The following GTF2IRD1 variants were observed in gnomAD, a reference collection of about 807,000 sequenced individuals.
GTF2IRD1 encodes the protein GTF2I repeat domain containing 1, also known as general transcription factor II-I repeat domain-containing protein 1.
Under a neutral mutation model 113.2 loss-of-function variants are expected in GTF2IRD1, and 26 were observed. The observed-to-expected ratio is 0.23, with a 90% confidence interval of 0.17 to 0.32. The LOEUF is 0.32. Among genes scored for constraint, GTF2IRD1 ranks in the 10% least tolerant of loss-of-function variants. The pLI is 1.00. For missense variants in GTF2IRD1, 864 were observed against 1,280.8 expected, an observed-to-expected ratio of 0.67 and a Z score of 4.97; for synonymous variants, 484 against 529.1, an observed-to-expected ratio of 0.91 and a Z score of 1.17.
At chr7:74,502,755 C>T (rs1463580684) in intron 1 of GTF2IRD1, among the ~76,000 whole-genome samples, 3 of 152,170 alleles carry the variant, frequency 2.0e-5, no homozygotes, top group Non-Finnish European at 4.4e-5. Context: ...CAAGACGGGG[C>T]AGGTGGCAGG....
intron 24 of GTF2IRD1, among the ~76,000 whole-genome samples, chr7:74,594,071 C>T (rs1167887600): frequency 2.6e-5 from 4 of 151,180 alleles, no homozygotes; most frequent in Admixed American, 6.6e-5. Flanking sequence ...TGGTGGTACA[C>T]GCCTGTAATC....
chr7:74,559,325 C>G (rs1260008432), intron 21 of GTF2IRD1, among the ~76,000 whole-genome samples: 3 of 152,160 alleles, frequency 2.0e-5, no homozygotes, highest in Admixed American at 1.3e-4. Flanking sequence ...ACCCCCAGCC[C>G]CCGGGAAAGG....
intron 1 of GTF2IRD1, among the ~76,000 whole-genome samples, chr7:74,473,852 C>T (rs1562778927): frequency 2.0e-5 from 3 of 152,132 alleles, no homozygotes; most frequent in African/African-American, 4.8e-5. Context: ...TGGCTCACGC[C>T]GAGCTGGGCG....
intron 25 of GTF2IRD1, among the ~76,000 whole-genome samples, chr7:74,595,564 A>C (rs1802363949): frequency 6.6e-6 from 1 of 152,160 alleles, no homozygotes; most frequent in African/African-American, 2.4e-5. Context: ...TAAAGGCAGA[A>C]ATAGATGTGG....
At chr7:74,501,522 C>T (rs1010203717) in intron 1 of GTF2IRD1, among the ~76,000 whole-genome samples, 10 of 152,198 alleles carry the variant, frequency 6.6e-5, no homozygotes, top group African/African-American at 2.4e-4. Flanking sequence ...GGCCGAGCCC[C>T]TGGGCCAGAT....
intron 1 of GTF2IRD1, among the ~76,000 whole-genome samples, chr7:74,465,728 C>A (rs555674572): frequency 1.3e-5 from 2 of 152,082 alleles, no homozygotes; most frequent in Admixed American, 6.6e-5. Context: ...GGACACACCC[C>A]CTCTGTCCGT....
chr7:74,537,917 G>A (rs1452058950), intron 11 of GTF2IRD1, among the ~76,000 whole-genome samples: 1 of 152,252 alleles, frequency 6.6e-6, no homozygotes, highest in Non-Finnish European at 1.5e-5. Context: ...GCCTGGCTCG[G>A]CCACCCCTGG....
At chr7:74,590,639 C>T (rs1225391944) in intron 23 of GTF2IRD1, among the ~76,000 whole-genome samples, 186 bp from the exon 24 acceptor site, 2 of 152,184 alleles carry the variant, frequency 1.3e-5, no homozygotes, top group Non-Finnish European at 2.9e-5. Flanking sequence ...GATCCTCCTG[C>T]CTCAGCCTCC....
At position 74,574,934 on chromosome 7, in the gene GTF2IRD1, C is replaced by CA. The variant is rs34466657; in HGVS notation, c.2321-14911dup. On this transcript the variant is annotated intron_variant, in intron 22 of 26. Coordinates refer to ENST00000424337, the MANE Select transcript of GTF2IRD1 (RefSeq NM_005685.4). The stretch of plus-strand genomic sequence containing the variant: ...TGAAACTCCGTTTCTACTAAAAATA[C>CA]AAAAAATTAGCCCAGCATCATGACA... 2.8e-3 allele frequency among the ~76,000 whole-genome samples: 421 copies of CA among 151,988 alleles called. 4 individuals carry two copies. Among genetic ancestry groups the CA allele is most frequent in the African/African-American group, 9.7e-3 (403 of 41,448 alleles).
intron 22 of GTF2IRD1, among the ~76,000 whole-genome samples, chr7:74,560,896 A>G (rs1195637198): frequency 1.3e-5 from 2 of 151,974 alleles, no homozygotes; most frequent in African/African-American, 4.8e-5. Context: ...ACCCTTTTTA[A>G]GGCACCCATC....
chr7:74,529,870 G>A lies in GTF2IRD1; in HGVS notation c.1227G>A (p.Leu409=), dbSNP rs782004557. The change falls in exon 9 of 27, where the codon CTG becomes CTA. Residue 409 remains leucine, a synonymous_variant. Transcript: ENST00000424337. ...KRPCTYGVPK[L]KRILEERHSI... ...CCTGCACTTATGGAGTCCCCAAGCTGAAGCGGATCCTGGAGGAGCGCCATA... is the reference window on the plus strand; with the variant it reads ...CCTGCACTTATGGAGTCCCCAAGCTAAAGCGGATCCTGGAGGAGCGCCATA... 2.5e-6 allele frequency: 4 copies of A among 1,614,056 alleles called. No individual in the cohort carries two copies. The highest frequency in any genetic ancestry group is 3.4e-6 in the Non-Finnish European group (4 of 1,180,014).
At chr7:74,557,528 T>A in intron 19 of GTF2IRD1, 111 bp from the exon 20 acceptor site, 1 of 691,560 alleles carries the variant, frequency 1.4e-6, no homozygotes. Context: ...CCAAAGATCC[T>A]TTAATTGCCG....
intron 22 of GTF2IRD1, among the ~76,000 whole-genome samples, chr7:74,578,411 C>CA (rs1801208592): frequency 6.6e-6 from 1 of 151,996 alleles, no homozygotes; most frequent in African/African-American, 2.4e-5. Context: ...CTCCTGACCT[C>CA]ACGATCCACC....
Position 74,513,356 on chromosome 7 carries a change from A to G in GTF2IRD1, c.265+385A>G, listed in dbSNP as rs143965559. The stretch of plus-strand genomic sequence containing the variant: ...AGTCTTGCCCTGTCACCCAGGCTGG[A>G]GTGCAGTGGCACAATTTTGGCTCAC... On this transcript the variant is annotated intron_variant, in intron 3 of 26. Transcript: ENST00000424337. 3.6e-3 allele frequency among the ~76,000 whole-genome samples: 546 copies of G among 152,246 alleles called. 4 individuals are homozygous for G. Among genetic ancestry groups the G allele is most frequent in the African/African-American group, 0.013 (523 of 41,554 alleles).
rs1554345343 is a variant in GTF2IRD1, at chr7:74,519,418, G to A, written c.615G>A (p.Glu205=). The A allele has an allele frequency of 1.3e-6, 2 of 1,527,102 alleles. No homozygotes were observed. Among genetic ancestry groups the A allele is most frequent in the East Asian group, 2.3e-5 (1 of 43,712 alleles). 94.6% of individuals were successfully genotyped at this position (1,527,102 alleles called of 1,614,324 possible). Residue 205 remains glutamate (E), a synonymous_variant, in exon 6 of 27, where the codon GAG becomes GAA. Coordinates refer to ENST00000424337, the MANE Select transcript of GTF2IRD1 (RefSeq NM_005685.4). The stretch of plus-strand genomic sequence containing the variant: ...CCTCTCCTTTACTCAGGCCACTTGA[G>A]GATGGCGGGCGGGACTCGAAGGCCC... ...RIRFKLKRPL[E]DGGRDSKALV...
intron 1 of GTF2IRD1, chr7:74,506,677 C>A (rs1358595173): frequency 6.6e-6 from 1 of 152,060 alleles, no homozygotes; most frequent in Non-Finnish European, 1.5e-5. Context: ...TGAGGGCAGG[C>A]CCTGGCACTG....
Position 74,536,419 on chromosome 7 carries a change from C to T in GTF2IRD1, c.1409+144C>T. The T allele has an allele frequency of 5.1e-6, 3 of 589,398 alleles. No homozygotes were observed. In the South Asian group the frequency reaches 6.0e-5, roughly 12 times the overall value. 36.5% of individuals were successfully genotyped at this position (589,398 alleles called of 1,614,324 possible). On this transcript the variant is annotated intron_variant, in intron 11 of 26. Coordinates refer to ENST00000424337, the MANE Select transcript of GTF2IRD1 (RefSeq NM_005685.4). ...CAAAGGGAGGGCAAGGGAAAACAGACTCCACCTACTTCCCTCTGCCTAGAG... is the reference window on the plus strand; with the variant it reads ...CAAAGGGAGGGCAAGGGAAAACAGATTCCACCTACTTCCCTCTGCCTAGAG...
At chr7:74,568,158 T>G (rs1800441095) in intron 22 of GTF2IRD1, among the ~76,000 whole-genome samples, 1 of 150,320 alleles carries the variant, frequency 6.7e-6, no homozygotes, top group South Asian at 2.1e-4. Flanking sequence ...GGAAGTGAGC[T>G]GTGGGAGAGG....
intron 17 of GTF2IRD1, among the ~76,000 whole-genome samples, chr7:74,547,514 C>T (rs375728928): frequency 4.1e-5 from 6 of 145,128 alleles, no homozygotes; most frequent in South Asian, 4.4e-4. Context: ...GAACTTGGCT[C>T]ACTGCAACCT....
Sources: gnomAD v4.1 joint callset for allele counts (sites outside exome capture counted in the v4.1 genomes callset) on GRCh38, gnomAD v4.1.1 for gene constraint, MANE v1.5 for transcripts, NCBI Gene and HGNC (gene_info 2026-07-23, HGNC 2026-07-21) for gene names.